The following SH3D19 variants were observed in gnomAD, a reference collection of about 807,000 sequenced individuals.
The protein encoded by SH3D19 is SH3 domain-containing protein 19.
In SH3D19, 58 loss-of-function variants were observed where a neutral mutation model predicts 112.1. The ratio of observed to expected loss-of-function variants is 0.52; its 90% CI spans 0.42 to 0.64. The LOEUF is 0.64. Ranked by LOEUF, SH3D19 falls within the 30% of genes least tolerant of loss-of-function variation. SH3D19 has a pLI of 0.00. For missense variants in SH3D19, 1,090 were observed against 1,263.4 expected (o/e 0.86, Z 2.08); for synonymous variants, 391 against 448.5 (o/e 0.87, Z 1.62).
intron 17 of SH3D19, among the ~76,000 whole-genome samples, chr4:151,130,335 G>A (rs1750358838): frequency 6.6e-6 from 1 of 152,022 alleles, no homozygotes; most frequent in Non-Finnish European, 1.5e-5. Context: ...AGCTACTTAG[G>A]AGGCTGAGGT....
intron 2 of SH3D19, among the ~76,000 whole-genome samples, chr4:151,210,019 C>G (rs1003987030): frequency 6.6e-6 from 1 of 152,140 alleles, no homozygotes; most frequent in African/African-American, 2.4e-5. Flanking sequence ...TAGCGTAGGA[C>G]CATTTTCTTC....
At chr4:151,251,787 T>C (rs1771428605) in intron 1 of SH3D19, among the ~76,000 whole-genome samples, 1 of 152,170 alleles carries the variant, frequency 6.6e-6, no homozygotes. Context: ...CACACAACTA[T>C]GCCAATTTCA....
At chr4:151,180,377 C>G (rs952538341) in intron 3 of SH3D19, among the ~76,000 whole-genome samples, 5 of 150,422 alleles carry the variant, frequency 3.3e-5, no homozygotes, top group African/African-American at 1.2e-4. Context: ...ATCGGATAAT[C>G]TAGAACATAT....
At chr4:151,127,909 T>C (rs1749767130) in intron 18 of SH3D19, among the ~76,000 whole-genome samples, 194 bp from the exon 19 acceptor site, 1 of 152,242 alleles carries the variant, frequency 6.6e-6, no homozygotes, top group Non-Finnish European at 1.5e-5. Flanking sequence ...TTCAAAAAGA[T>C]GAACAATGTT....
intron 1 of SH3D19, among the ~76,000 whole-genome samples, chr4:151,263,115 C>A (rs1400971816): frequency 6.6e-6 from 1 of 152,166 alleles, no homozygotes; most frequent in Admixed American, 6.5e-5. Flanking sequence ...TGCCTTTCCC[C>A]CGCACAAGTC....
At chr4:151,219,845 T>C (rs911784215) in intron 2 of SH3D19, among the ~76,000 whole-genome samples, 2 of 152,270 alleles carry the variant, frequency 1.3e-5, no homozygotes, top group African/African-American at 4.8e-5. Flanking sequence ...TCTTCATGGT[T>C]TGTATTTGTT....
At chr4:151,197,739 C>T (rs986792643) in intron 2 of SH3D19, among the ~76,000 whole-genome samples, 2 of 88,980 alleles carry the variant, frequency 2.2e-5, no homozygotes, top group African/African-American at 6.4e-5. Flanking sequence ...ATTCTTTATG[C>T]GATTAAAATA....
intron 2 of SH3D19, among the ~76,000 whole-genome samples, chr4:151,200,727 G>A (rs531455617): frequency 1.3e-5 from 2 of 152,206 alleles, no homozygotes; most frequent in African/African-American, 4.8e-5. Flanking sequence ...ATTACGACAA[G>A]AACAAAAAAA....
At chr4:151,166,707 A>G (rs1221751587) in intron 7 of SH3D19, among the ~76,000 whole-genome samples, 2 of 152,186 alleles carry the variant, frequency 1.3e-5, no homozygotes, top group African/African-American at 4.8e-5. Context: ...TATGCACTCC[A>G]TAGCTCCTGT....
chr4:151,302,539 A>G (rs907308282), intron 1 of SH3D19, among the ~76,000 whole-genome samples: 16 of 152,200 alleles, frequency 1.1e-4, no homozygotes, highest in African/African-American at 3.9e-4. Context: ...CTTTTTCTGT[A>G]AAGAGTGAGA....
chr4:151,217,389 T>C (rs992638176), intron 2 of SH3D19, among the ~76,000 whole-genome samples: 2 of 152,202 alleles, frequency 1.3e-5, no homozygotes, highest in Admixed American at 6.5e-5. Flanking sequence ...TTCGTAATGA[T>C]ATAGTGATTG....
intron 1 of SH3D19, among the ~76,000 whole-genome samples, chr4:151,293,974 T>G (rs1034570631): frequency 6.6e-6 from 1 of 152,228 alleles, no homozygotes; most frequent in Non-Finnish European, 1.5e-5. Flanking sequence ...ACCCTTCACT[T>G]CCTCAAGGAA....
At chr4:151,300,313 A>C (rs1728261379) in intron 1 of SH3D19, among the ~76,000 whole-genome samples, 1 of 152,194 alleles carries the variant, frequency 6.6e-6, no homozygotes. Context: ...TACTATACAC[A>C]TCAGCTTTGC....
chr4:151,165,595 C>T lies in SH3D19; in HGVS notation c.1636G>A (p.Gly546Arg), dbSNP rs1308802995. The change falls in exon 8 of 20, where the codon GGA (glycine) becomes AGA (arginine). Residue 546 changes from glycine to arginine, a missense_variant. Physicochemically the swap from Gly to Arg is moderately radical, Grantham distance 125. Transcript: ENST00000604030. ...AAAGCAGAGAAGTGCTTACATTTTC[C>T]TGGTTTGGCTGGAATTCGAATTACA... ...PTVIRIPAKP[G>R]KCLHEDPQSP... 1.2e-6 allele frequency: 2 copies of T among 1,613,230 alleles called. No individual in the cohort carries two copies. The highest frequency in any genetic ancestry group is 2.2e-5 in the South Asian group (2 of 90,940).
chr4:151,164,091 C>T (rs1757589018), intron 8 of SH3D19, among the ~76,000 whole-genome samples: 1 of 152,148 alleles, frequency 6.6e-6, no homozygotes, highest in Non-Finnish European at 1.5e-5. Flanking sequence ...GATGATCCTT[C>T]TGGGTAGTGC....
At chr4:151,256,013 G>GGGAGAGGGAGAGGGAGA (rs1554063164) in intron 1 of SH3D19, among the ~76,000 whole-genome samples, 1 of 105,270 alleles carries the variant, frequency 9.5e-6, no homozygotes, top group Non-Finnish European at 2.0e-5. Context: ...GGAAAGAGAG[G>GGGAGAGGGAGAGGGAGA]GGGAGAGGGA....
rs139200532 is a variant in SH3D19 at position 151,274,037 on chromosome 4, G to C, written c.113-47951C>G. Among the ~76,000 whole-genome samples, 18 of 152,248 alleles carry C rather than the reference G, an allele frequency of 1.2e-4. No homozygotes were observed. The East Asian group carries it at 2.1e-3, about 18-fold the overall frequency. The stretch of plus-strand genomic sequence containing the variant: ...TCAGTGAGTAGCAGAAAACCAGAGT[G>C]AATGCATAAACCACAAAAACAAAAT... On this transcript the variant is annotated intron_variant, in intron 1 of 19. Coordinates refer to ENST00000604030, the MANE Select transcript of SH3D19 (RefSeq NM_001378122.1).
intron 9 of SH3D19, among the ~76,000 whole-genome samples, chr4:151,151,155 T>C (rs558822955): frequency 2.0e-5 from 3 of 152,186 alleles, no homozygotes; most frequent in African/African-American, 7.2e-5. Context: ...GAGACGACGT[T>C]TCACCATGTT....
chr4:151,308,059 C>T (rs1376435019), intron 1 of SH3D19, among the ~76,000 whole-genome samples: 1 of 152,118 alleles, frequency 6.6e-6, no homozygotes, highest in Non-Finnish European at 1.5e-5. Flanking sequence ...GCACGGGCCA[C>T]CACACCCAGC....
Sources: allele counts gnomAD v4.1 joint callset (sites outside exome capture counted in the v4.1 genomes callset), GRCh38; gene constraint gnomAD v4.1.1; transcripts MANE v1.5; gene names NCBI Gene and HGNC (gene_info 2026-07-23, HGNC 2026-07-21).